Variants in CHD6 observed in about 807,000 individuals in gnomAD.
The protein encoded by CHD6 is chromodomain helicase DNA binding protein 6.
CHD6 carries 50 observed loss-of-function variants against 276.9 expected under a neutral mutation model. The ratio of observed to expected loss-of-function variants is 0.18; its 90% confidence interval spans 0.14 to 0.23. The LOEUF (loss-of-function observed/expected upper bound fraction) is 0.23, where lower values mean the gene tolerates loss of function less well. Ranked by LOEUF, CHD6 falls within the 10% of genes least tolerant of loss-of-function variation. CHD6 has a pLI of 1.00. For missense variants in CHD6, 2,564 were observed against 3,365.8 expected (o/e 0.76, Z 5.89); for synonymous variants, 1,173 against 1,229.3 (o/e 0.95, Z 0.96).
At chr20:41,481,937 C>A (rs1178731803) in intron 16 of CHD6, among the ~76,000 whole-genome samples, 2 of 151,650 alleles carry the variant, frequency 1.3e-5, no homozygotes, top group African/African-American at 2.4e-5. Flanking sequence ...CAGAAAAAAA[C>A]AGACTGAGAA....
rs771164599 is a variant in CHD6, at chr20:41,498,089, G to C, written c.974+79C>G. On this transcript the variant is annotated intron_variant, in intron 7 of 36. Coordinates refer to ENST00000373233, the MANE Select transcript of CHD6 (RefSeq NM_032221.5). ...TTAGAGGCAAGACTCTGAAGATGTA[G>C]AAGATAATAAAGTCACAAGAGAAAA... is the stretch of plus-strand genomic sequence containing the variant. 9.4e-5 allele frequency: 92 copies of C among 981,142 alleles called. No individual in the cohort carries two copies. In the African/African-American group the frequency reaches 1.3e-3, roughly 14 times the overall value. 60.8% of individuals were successfully genotyped at this position (981,142 alleles called of 1,614,324 possible).
chr20:41,538,802 T>G (rs573546408), intron 2 of CHD6, among the ~76,000 whole-genome samples: 1 of 152,332 alleles, frequency 6.6e-6, no homozygotes, highest in Admixed American at 6.5e-5. Flanking sequence ...CCATTTTGGA[T>G]GTACACTGGA....
At chr20:41,578,423 T>C (rs2045497475) in intron 1 of CHD6, among the ~76,000 whole-genome samples, 1 of 152,156 alleles carries the variant, frequency 6.6e-6, no homozygotes, top group Admixed American at 6.5e-5. Flanking sequence ...TAATAAAAAA[T>C]TTCCGTGTTA....
At position 41,483,527 on chromosome 20, in the gene CHD6, G is replaced by C; in HGVS notation, c.2258-8C>G. 1 of 1,595,380 alleles carries C rather than the reference G, an allele frequency of 6.3e-7. No individual in the cohort carries two copies. Among genetic ancestry groups the C allele is most frequent in the Non-Finnish European group, 8.6e-7 (1 of 1,166,552 alleles). On this transcript the variant is annotated splice_region_variant and splice_polypyrimidine_tract_variant and intron_variant, in intron 15 of 36. Transcript: ENST00000373233. ...GAATTTTCTCCTCTGCTCCTGAAAA[G>C]GAATGGAACAAAACTATTCCTCGGA...
chr20:41,612,475 T>C (rs2045896359), intron 1 of CHD6, among the ~76,000 whole-genome samples: 1 of 152,248 alleles, frequency 6.6e-6, no homozygotes, highest in Non-Finnish European at 1.5e-5. Context: ...TCACTTACAA[T>C]GTGATCTGAT....
rs75149699 is a variant in CHD6 at position 41,560,850 on chromosome 20, C to A, written c.-23-9490G>T. Among the ~76,000 whole-genome samples the A allele has an allele frequency of 4.7e-5, 7 of 149,462 alleles. No individual in the cohort carries two copies. In the South Asian group the frequency reaches 1.3e-3, roughly 27 times the overall value. The stretch of plus-strand genomic sequence containing the variant: ...AGCCTAAAACAAATAAAAAAAAAAA[C>A]AGTCCCCGATTCTACTCCCCACTCC... On this transcript the variant is annotated intron_variant, in intron 1 of 36. Coordinates refer to ENST00000373233, the MANE Select transcript of CHD6 (RefSeq NM_032221.5).
At chr20:41,503,202 C>T (rs2043880585) in intron 5 of CHD6, among the ~76,000 whole-genome samples, 1 of 152,004 alleles carries the variant, frequency 6.6e-6, no homozygotes, top group Admixed American at 6.5e-5. Flanking sequence ...TGTTATGTCG[C>T]TAGTTTATAG....
chr20:41,448,792 T>C lies in CHD6; in HGVS notation c.3684-821A>G, dbSNP rs190002711. Among the ~76,000 whole-genome samples, 314 of 152,294 alleles carry C rather than the reference T, an allele frequency of 2.1e-3. 3 individuals are homozygous for C. Among genetic ancestry groups the C allele is most frequent in the South Asian group, 0.015 (71 of 4,822 alleles). The stretch of plus-strand genomic sequence containing the variant: ...AGAAAGTGCCACTGTGGGCTCAAGT[T>C]GTAGGTGGAAACACACAAAGTTAGA... On this transcript the variant is annotated intron_variant, in intron 23 of 36. Transcript: ENST00000373233.
chr20:41,457,354 G>A lies in CHD6; in HGVS notation c.2739C>T (p.Tyr913=), dbSNP rs747014806. The A allele has an allele frequency of 9.9e-6, 16 of 1,613,984 alleles. No homozygotes were observed. Among genetic ancestry groups the A allele is most frequent in the East Asian group, 2.2e-5 (1 of 44,850 alleles). ...TGGCCTTGTCAAACATCTCGCGCTC[G>A]TAGGAATTTCGAGTGATGAGGCGAT... ...KVYRLITRNS[Y]EREMFDKASL... is the part of the protein sequence containing the mutation. The change falls in exon 18 of 37, where the codon TAC becomes TAT. Residue 913 remains tyrosine (Y), a synonymous_variant. Transcript: ENST00000373233.
At position 41,544,684 on chromosome 20, in the gene CHD6, TTAAAATATTAGTATTTTAATAC is replaced by T. The variant is rs1346563984; in HGVS notation, c.33+6599_33+6620del. On this transcript the variant is annotated intron_variant, in intron 2 of 36. Transcript: ENST00000373233. ...TTTTAATGTTAATATTTTATACTAA[TTAAAATATTAGTATTTTAATAC>T]TAAAATATTACACAGTAATATGATT... Among the ~76,000 whole-genome samples the T allele has an allele frequency of 2.7e-5, 4 of 150,260 alleles. No individual in the cohort carries two copies. The East Asian group carries it at 7.8e-4, about 29-fold the overall frequency.
At chr20:41,603,195 A>C (rs1009387047) in intron 1 of CHD6, among the ~76,000 whole-genome samples, 1 of 151,592 alleles carries the variant, frequency 6.6e-6, no homozygotes, top group African/African-American at 2.4e-5. Context: ...TCTACTAAAA[A>C]TACAAAAATT....
intron 34 of CHD6, 181 bp from the exon 35 acceptor site, chr20:41,413,696 G>A: frequency 2.0e-6 from 1 of 492,902 alleles, no homozygotes; most frequent in Non-Finnish European, 3.5e-6. Flanking sequence ...ATAAGCTCTT[G>A]CAAGTGATTT....
chr20:41,412,100 G>C (rs200181939), intron 36 of CHD6, 44 bp downstream of exon 36: 5 of 1,609,246 alleles, frequency 3.1e-6, no homozygotes, highest in South Asian at 1.1e-5. Context: ...GGCTCAACCA[G>C]GATGCTCCTC....
At chr20:41,444,018 A>C (rs1339585724) in intron 25 of CHD6, among the ~76,000 whole-genome samples, 1 of 152,134 alleles carries the variant, frequency 6.6e-6, no homozygotes, top group Non-Finnish European at 1.5e-5. Context: ...TTTTCTCAGC[A>C]TGTTGTTGCC....
Position 41,421,814 on chromosome 20 carries a change from G to A in CHD6, c.4821C>T (p.Ser1607=). The change falls in exon 31 of 37, where the codon TCC becomes TCT. Residue 1607 remains serine (S), a synonymous_variant. Coordinates refer to ENST00000373233, the MANE Select transcript of CHD6 (RefSeq NM_032221.5). ...CATAGTTTCTATAGGCATCCAGGAAGGACAGCTGGGGGTCGTTCATGATGT... is the reference window on the plus strand; with the variant it reads ...CATAGTTTCTATAGGCATCCAGGAAAGACAGCTGGGGGTCGTTCATGATGT... ...DCYIMNDPQL[S]FLDAYRNYAQ... 1 of 1,614,208 alleles carries A rather than the reference G, an allele frequency of 6.2e-7. No individual in the cohort carries two copies. Among genetic ancestry groups the A allele is most frequent in the Non-Finnish European group, 8.5e-7 (1 of 1,180,038 alleles).
chr20:41,484,722 G>T, intron 14 of CHD6, 115 bp from the exon 15 acceptor site: 1 of 1,081,822 alleles, frequency 9.2e-7, no homozygotes, highest in Non-Finnish European at 1.4e-6. Context: ...TGTGGTAGTA[G>T]ACTAAAAGAA....
chr20:41,459,890 G>C lies in CHD6; in HGVS notation c.2665-2462C>G, dbSNP rs749368713. ...GGAACTGGGTAATAGGCAGAGGTTG[G>C]AACAGTTTGGAAGGTTCAGAAGAAG... is the stretch of plus-strand genomic sequence containing the variant. On this transcript the variant is annotated intron_variant, in intron 17 of 36. Transcript: ENST00000373233. Among the ~76,000 whole-genome samples the C allele has an allele frequency of 3.3e-5, 5 of 152,364 alleles. No individual in the cohort carries two copies. In the South Asian group the frequency reaches 1.0e-3, roughly 32 times the overall value.
Position 41,457,432 on chromosome 20 carries a change from GGAA to G in CHD6, c.2665-7_2665-5del, listed in dbSNP as rs761785850. The G allele has an allele frequency of 5.8e-5, 93 of 1,607,160 alleles. No homozygotes were observed. The highest frequency in any genetic ancestry group is 2.0e-4 in the Admixed American group (12 of 59,886). On this transcript the variant is annotated splice_polypyrimidine_tract_variant and splice_region_variant and intron_variant, in intron 17 of 36. Transcript: ENST00000373233. ...TGCGGTGACATCGGGCCTGAGCCTG[GGAA>G]GAAGAAGAGTCATATGCATCACGTC... is the stretch of plus-strand genomic sequence containing the variant.
In CHD6 at chr20:41,510,068, T is replaced by G. The variant is rs2044078685; in HGVS notation, c.852+2778A>C. Among the ~76,000 whole-genome samples the G allele has an allele frequency of 3.3e-5, 5 of 152,278 alleles. No individual in the cohort carries two copies. The South Asian group carries it at 1.0e-3, about 32-fold the overall frequency. On this transcript the variant is annotated intron_variant, in intron 5 of 36. Coordinates refer to ENST00000373233, the MANE Select transcript of CHD6 (RefSeq NM_032221.5). The stretch of plus-strand genomic sequence containing the variant: ...AGAGATGGCAGTGGGGCCATTCTGG[T>G]GCTGACTCCATCCCCTTCTCTGCCC...
Sources: allele counts gnomAD v4.1 joint callset (sites outside exome capture counted in the v4.1 genomes callset), GRCh38; gene constraint gnomAD v4.1.1; transcripts MANE v1.5; gene names NCBI Gene and HGNC (gene_info 2026-07-23, HGNC 2026-07-21).